The following ROCK2 variants were observed in gnomAD, a reference collection of about 807,000 sequenced individuals.
The protein encoded by ROCK2 is rho-associated protein kinase 2.
ROCK2 carries 61 observed loss-of-function variants against 195.1 expected under a neutral mutation model. The ratio of observed to expected loss-of-function variants is 0.31; its 90% confidence interval spans 0.25 to 0.39. ROCK2 has a LOEUF of 0.39. Among genes scored for constraint, ROCK2 ranks in the 10% least tolerant of loss-of-function variants. The pLI is 1.00. For missense variants in ROCK2, 1,109 were observed against 1,637.4 expected (o/e 0.68, Z 5.57); for synonymous variants, 504 against 545.5 (o/e 0.92, Z 1.06).
In ROCK2 at chr2:11,240,064, A is replaced by ATTG. The variant is rs1665368938; in HGVS notation, c.463-4103_463-4102insCAA. ...CAGAACATCAATGTGTTCACCAACC[A>ATTG]GTAAGCTCCACTGAGTGTCAGTATC... On this transcript the variant is annotated intron_variant, in intron 4 of 32. Coordinates refer to ENST00000315872, the MANE Select transcript of ROCK2 (RefSeq NM_004850.5). Among the ~76,000 whole-genome samples the ATTG allele has an allele frequency of 2.0e-5, 3 of 152,236 alleles. No individual in the cohort carries two copies. In the South Asian group the frequency reaches 6.2e-4, roughly 31 times the overall value.
intron 1 of ROCK2, among the ~76,000 whole-genome samples, chr2:11,312,485 T>C (rs529652329): frequency 6.6e-6 from 1 of 152,256 alleles, no homozygotes; most frequent in Non-Finnish European, 1.5e-5. Flanking sequence ...ATGATTTGTT[T>C]TCCTATCACT....
chr2:11,297,164 G>A (rs545198469), intron 1 of ROCK2, among the ~76,000 whole-genome samples: 107 of 152,062 alleles, frequency 7.0e-4, no homozygotes, highest in Admixed American at 2.7e-3. Context: ...CAAAGACTAG[G>A]TAGGAATTAG....
chr2:11,306,481 C>A (rs1667863351), intron 1 of ROCK2, among the ~76,000 whole-genome samples: 1 of 152,180 alleles, frequency 6.6e-6, no homozygotes, highest in African/African-American at 2.4e-5. Context: ...TATTAAAATG[C>A]AAACTGATAG....
intron 20 of ROCK2, among the ~76,000 whole-genome samples, chr2:11,205,735 T>C (rs1392801018): frequency 6.6e-6 from 1 of 152,136 alleles, no homozygotes; most frequent in Non-Finnish European, 1.5e-5. Flanking sequence ...TCATAGTAAC[T>C]ACTACAATGC....
intron 25 of ROCK2, 103 bp downstream of exon 25, chr2:11,198,388 C>A: frequency 1.3e-6 from 1 of 756,198 alleles, no homozygotes; most frequent in Non-Finnish European, 2.2e-6. Context: ...AATATTGGTA[C>A]ATTCGATGAC....
In ROCK2 at chr2:11,192,186, A is replaced by G. The variant is rs376590769; in HGVS notation, c.4125T>C (p.Ile1375=). 3 of 1,613,362 alleles carry G rather than the reference A, an allele frequency of 1.9e-6. No individual in the cohort carries two copies. The highest frequency in any genetic ancestry group is 2.2e-5 in the East Asian group (1 of 44,834). Residue 1375 remains isoleucine (I), a synonymous_variant, in exon 32 of 33, where the codon ATT becomes ATC. Transcript: ENST00000315872. The surrounding 1 kb of genome is among the most constrained non-coding windows in gnomAD (Gnocchi z 5.0). ...TSMKIQQNQS[I]RRPSRQLAPN... The stretch of plus-strand genomic sequence containing the variant: ...GGGCAAGCTGTCGACTTGGCCGTCT[A>G]ATAGACTGGTTTTGCTGTATCTTCA...
intron 3 of ROCK2, among the ~76,000 whole-genome samples, chr2:11,278,463 T>C (rs541380590): frequency 2.6e-5 from 4 of 152,358 alleles, no homozygotes; most frequent in East Asian, 3.9e-4. Flanking sequence ...TCTTTATCCA[T>C]TGTTAGACAC....
Position 11,182,448 on chromosome 2 carries a change from T to G in ROCK2, c.*989A>C, listed in dbSNP as rs765775921. On this transcript the variant is annotated 3_prime_UTR_variant, in exon 33 of 33. Transcript: ENST00000315872. ...CTAATACTGAGGTCTGTAAAAAGAG[T>G]TGAATGAATAATAGACAGACATCAA... is the stretch of plus-strand genomic sequence containing the variant. The G allele has an allele frequency of 6.6e-6, 1 of 151,904 alleles. No homozygotes were observed. Among genetic ancestry groups the G allele is most frequent in the South Asian group, 2.1e-4 (1 of 4,822 alleles). 9.4% of individuals were successfully genotyped at this position (151,904 alleles called of 1,614,324 possible). A position where few individuals can be genotyped will look rare whatever the true frequency, so the allele number is the denominator to read the frequency against.
At position 11,235,642 on chromosome 2, in the gene ROCK2, A is replaced by G; in HGVS notation, c.723+60T>C. On this transcript the variant is annotated intron_variant, in intron 5 of 32. Transcript: ENST00000315872. This position sits in a 1 kb window ranked among gnomAD's most constrained non-coding sequence, Gnocchi z 4.2. ...TCAAAACTATGAAGACCTGACTTAAAGTATTTCATTTATTTCTGTCCCTCA... is the reference window on the plus strand; with the variant it reads ...TCAAAACTATGAAGACCTGACTTAAGGTATTTCATTTATTTCTGTCCCTCA... 1 of 1,511,160 alleles carries G rather than the reference A, an allele frequency of 6.6e-7. No individual in the cohort carries two copies. Among genetic ancestry groups the G allele is most frequent in the Non-Finnish European group, 8.9e-7 (1 of 1,119,336 alleles). 93.6% of individuals were successfully genotyped at this position (1,511,160 alleles called of 1,614,324 possible).
intron 1 of ROCK2, among the ~76,000 whole-genome samples, chr2:11,317,513 C>CAT (rs1246518452): frequency 1.2e-4 from 17 of 140,584 alleles, no homozygotes; most frequent in Non-Finnish European, 2.4e-4. Context: ...AAACACCAGG[C>CAT]ATATACATAA....
At chr2:11,211,646 A>C (rs761187191) in intron 18 of ROCK2, 35 bp downstream of exon 18, 1 of 1,535,436 alleles carries the variant, frequency 6.5e-7, no homozygotes, top group Non-Finnish European at 8.8e-7. Context: ...TCTTAGGAAG[A>C]CGCTGCTGGA....
intron 6 of ROCK2, among the ~76,000 whole-genome samples, chr2:11,225,582 T>C (rs939664515): frequency 6.6e-6 from 1 of 152,080 alleles, no homozygotes; most frequent in Non-Finnish European, 1.5e-5. Flanking sequence ...TCAAGTGATC[T>C]TCCTGCCTCA....
chr2:11,215,114 A>G (rs1664380962), intron 15 of ROCK2, 28 bp from the exon 16 acceptor site: 1 of 1,611,904 alleles, frequency 6.2e-7, no homozygotes. Context: ...ACCAAACAAC[A>G]ACAAACAAAC....
At chr2:11,219,144 C>A (rs112671813) in intron 9 of ROCK2, 118 bp from the exon 10 acceptor site, 3 of 482,580 alleles carry the variant, frequency 6.2e-6, no homozygotes, top group African/African-American at 3.9e-5. Context: ...TTCCCTTCAA[C>A]ACATTATTTA....
In ROCK2 at chr2:11,192,408, T is replaced by C. The variant is rs752949053; in HGVS notation, c.3949+43A>G. The stretch of plus-strand genomic sequence containing the variant: ...AAAAATTAATGTGCTTAAAATGATC[T>C]GAACATAACCAATATCGATGGAGCA... On this transcript the variant is annotated intron_variant, in intron 31 of 32. Coordinates refer to ENST00000315872, the MANE Select transcript of ROCK2 (RefSeq NM_004850.5). The surrounding 1 kb of genome is among the most constrained non-coding windows in gnomAD (Gnocchi z 5.0). 2 of 1,606,602 alleles carry C rather than the reference T, an allele frequency of 1.2e-6. No homozygotes were observed. Among genetic ancestry groups the C allele is most frequent in the Admixed American group, 3.4e-5 (2 of 58,712 alleles).
intron 1 of ROCK2, among the ~76,000 whole-genome samples, chr2:11,324,229 A>G (rs6414056): frequency 1 from 152,297 of 152,328 alleles, 76,133 homozygotes; most frequent in Middle Eastern, 1. Flanking sequence ...GAGGTCAAGA[A>G]ATCAAGACCA....
intron 11 of ROCK2, chr2:11,217,878 T>C (rs1487556129): frequency 2.0e-5 from 3 of 152,820 alleles, no homozygotes; most frequent in African/African-American, 7.2e-5. Context: ...TGTTGTCTTG[T>C]TAATATTAAC....
intron 1 of ROCK2, among the ~76,000 whole-genome samples, chr2:11,291,014 G>A (rs1558365331): frequency 6.6e-6 from 1 of 152,054 alleles, no homozygotes; most frequent in Non-Finnish European, 1.5e-5. Context: ...TTGTCTATAT[G>A]CAAAAAGCAT....
chr2:11,272,025 A>AT, intron 3 of ROCK2, among the ~76,000 whole-genome samples: 1 of 151,912 alleles, frequency 6.6e-6, no homozygotes, highest in Non-Finnish European at 1.5e-5. Flanking sequence ...ATCTCAAAAA[A>AT]AAAAAAAAAA....
Sources: allele counts gnomAD v4.1 joint callset (sites outside exome capture counted in the v4.1 genomes callset), GRCh38; gene constraint gnomAD v4.1.1; non-coding constraint Gnocchi (gnomAD v3.1); transcripts MANE v1.5; gene names NCBI Gene and HGNC (gene_info 2026-07-23, HGNC 2026-07-21).